Variants in LYPD6 observed in about 807,000 individuals in gnomAD.
LYPD6 encodes the protein LY6/PLAUR domain containing 6.
A neutral mutation model predicts 22.7 loss-of-function variants in LYPD6; 15 were observed. The ratio of observed to expected loss-of-function variants is 0.66; its 90% CI spans 0.44 to 1.02. LYPD6 has a LOEUF of 1.02. LYPD6 is among the 50% of genes least tolerant of loss of function. LYPD6 has a pLI of 0.00. For missense variants in LYPD6, 189 were observed against 208.4 expected, an observed-to-expected ratio of 0.91 and a Z score of 0.57; for synonymous variants, 72 against 77.5, an observed-to-expected ratio of 0.93 and a Z score of 0.37.
In LYPD6 at chr2:149,473,835, A is replaced by G. The variant is rs1196570713; in HGVS notation, c.*2985A>G. On this transcript the variant is annotated 3_prime_UTR_variant, in exon 5 of 5. Transcript: ENST00000334166. The stretch of plus-strand genomic sequence containing the variant: ...AGGCTGTTTAAGTACTGCAGAAAAT[A>G]AAAGAAGGAAAGGCTACCAGACTTT... The G allele has an allele frequency of 3.9e-5, 6 of 152,256 alleles. No homozygotes were observed. Among genetic ancestry groups the G allele is most frequent in the Non-Finnish European group, 5.9e-5 (4 of 68,048 alleles). The allele number at this position is 152,256 out of a possible 1,614,324, so 9.4% of individuals were successfully genotyped here.
intron 1 of LYPD6, among the ~76,000 whole-genome samples, chr2:149,394,811 C>T (rs938876004): frequency 3.3e-5 from 5 of 152,172 alleles, no homozygotes; most frequent in African/African-American, 9.7e-5. Context: ...CAGTGTTGAA[C>T]AGCCTAGTTT....
intron 1 of LYPD6, among the ~76,000 whole-genome samples, chr2:149,435,088 C>T (rs577228224): frequency 1.3e-5 from 2 of 152,300 alleles, no homozygotes; most frequent in South Asian, 4.1e-4. Context: ...TCCAATCTGA[C>T]TGGGTTCTTA....
intron 3 of LYPD6, among the ~76,000 whole-genome samples, chr2:149,466,291 C>G (rs1681199550): frequency 6.6e-6 from 1 of 152,176 alleles, no homozygotes; most frequent in African/African-American, 2.4e-5. Flanking sequence ...ACCACAGAAC[C>G]TTTTTCCACA....
chr2:149,464,136 A>G, intron 3 of LYPD6: 1 of 417,060 alleles, frequency 2.4e-6, no homozygotes. Flanking sequence ...AACAGTTTAA[A>G]CACAAAAAAA....
At chr2:149,345,021 T>C (rs1681227993) in intron 1 of LYPD6, among the ~76,000 whole-genome samples, 1 of 152,028 alleles carries the variant, frequency 6.6e-6, no homozygotes, top group South Asian at 2.1e-4. Flanking sequence ...AAATAGTCAT[T>C]GCATTCTAGC....
chr2:149,476,382 A>G (rs929847190), downstream of LYPD6, among the ~76,000 whole-genome samples: 5 of 152,354 alleles, frequency 3.3e-5, no homozygotes, highest in African/African-American at 9.6e-5. Flanking sequence ...CTAAAAAGGT[A>G]GAATGATGTG....
At chr2:149,341,351 A>G (rs972337544) in intron 1 of LYPD6, among the ~76,000 whole-genome samples, 6 of 152,044 alleles carry the variant, frequency 3.9e-5, no homozygotes, top group Admixed American at 2.6e-4. Flanking sequence ...TTTTCTCCTG[A>G]TTCCCTCATC....
chr2:149,450,833 A>G (rs1040185326), intron 3 of LYPD6, among the ~76,000 whole-genome samples: 3 of 152,194 alleles, frequency 2.0e-5, no homozygotes, highest in Non-Finnish European at 4.4e-5. Context: ...AGGCATAAGG[A>G]TTTTTAAAAG....
At chr2:149,436,978 G>A (rs760523747) in intron 1 of LYPD6, among the ~76,000 whole-genome samples, 1 of 152,342 alleles carries the variant, frequency 6.6e-6, no homozygotes, top group African/African-American at 2.4e-5. Context: ...CTGGGTTAGA[G>A]TCAGATCTGC....
intron 3 of LYPD6, among the ~76,000 whole-genome samples, chr2:149,453,242 G>A (rs1482563732): frequency 6.6e-6 from 1 of 152,204 alleles, no homozygotes; most frequent in Non-Finnish European, 1.5e-5. Context: ...TAAAACAAGA[G>A]TTGAATGTCG....
At chr2:149,389,270 T>G (rs1682256388) in intron 1 of LYPD6, among the ~76,000 whole-genome samples, 1 of 151,932 alleles carries the variant, frequency 6.6e-6, no homozygotes, top group African/African-American at 2.4e-5. Flanking sequence ...CCCGAGAGAG[T>G]TGGGGCCAGT....
intron 1 of LYPD6, among the ~76,000 whole-genome samples, chr2:149,331,799 G>C (rs1465335498): frequency 6.6e-6 from 1 of 152,216 alleles, no homozygotes; most frequent in Non-Finnish European, 1.5e-5. Context: ...TGGGAGGCAA[G>C]GGAGTTTAGA....
intron 1 of LYPD6, among the ~76,000 whole-genome samples, chr2:149,356,781 C>T (rs1681458005): frequency 6.6e-6 from 1 of 152,160 alleles, no homozygotes; most frequent in African/African-American, 2.4e-5. Flanking sequence ...AATGTTTTTT[C>T]AGGATGAGTG....
intron 1 of LYPD6, among the ~76,000 whole-genome samples, chr2:149,348,744 A>T (rs1173517179): frequency 6.6e-6 from 1 of 152,218 alleles, no homozygotes; most frequent in African/African-American, 2.4e-5. Flanking sequence ...GCACTGAGGA[A>T]TGACCTGATT....
chr2:149,414,757 G>A (rs977359855), intron 1 of LYPD6, among the ~76,000 whole-genome samples: 8 of 152,174 alleles, frequency 5.3e-5, no homozygotes, highest in Non-Finnish European at 1.0e-4. Flanking sequence ...CCCATGAACT[G>A]AAAGGACAAA....
In LYPD6 at chr2:149,437,763, T is replaced by C; in HGVS notation, c.55T>C (p.Cys19Arg). 6.2e-7 allele frequency: 1 copy of C among 1,614,204 alleles called. No individual in the cohort carries two copies. ...WLLLLSLLAD[C>R]LKAAQSRDFT... The stretch of plus-strand genomic sequence containing the variant: ...CCTGCTCCTGAGCCTGCTGGCGGAT[T>C]GTCTGAAAGCTGCTCAGTCCCGAGA... Residue 19 changes from cysteine to arginine, a missense_variant, in exon 2 of 5, where the codon TGT becomes CGT. Physicochemically the swap from Cys to Arg is radical, Grantham distance 180. Coordinates refer to ENST00000334166, the MANE Select transcript of LYPD6 (RefSeq NM_194317.5).
At chr2:149,434,161 G>A (rs1683381380) in intron 1 of LYPD6, among the ~76,000 whole-genome samples, 1 of 152,066 alleles carries the variant, frequency 6.6e-6, no homozygotes, top group Admixed American at 6.6e-5. Flanking sequence ...CGATAAATAA[G>A]TAGTATGATG....
chr2:149,346,209 G>A (rs1681253250), intron 1 of LYPD6, among the ~76,000 whole-genome samples: 1 of 151,452 alleles, frequency 6.6e-6, no homozygotes, highest in African/African-American at 2.4e-5. Context: ...ATTTTTTTTT[G>A]TAACTCACAA....
intron 3 of LYPD6, among the ~76,000 whole-genome samples, chr2:149,458,071 T>C (rs908903747): frequency 1.3e-5 from 2 of 152,152 alleles, no homozygotes; most frequent in African/African-American, 4.8e-5. Context: ...AGCAAAACAC[T>C]ATGGAAAAAA....
Sources: gnomAD v4.1 joint callset for allele counts (sites outside exome capture counted in the v4.1 genomes callset) on GRCh38, gnomAD v4.1.1 for gene constraint, MANE v1.5 for transcripts, NCBI Gene and HGNC (gene_info 2026-07-23, HGNC 2026-07-21) for gene names.